The following SEPTIN10 variants were observed in gnomAD, a reference collection of about 807,000 sequenced individuals.
The protein encoded by SEPTIN10 is septin 10.
SEPTIN10 carries 66 observed loss-of-function variants against 54.8 expected under a neutral mutation model. The observed-to-expected ratio is 1.21, with a 90% CI of 0.99 to 1.48. SEPTIN10 has a LOEUF of 1.48. SEPTIN10 is among the 40% of genes most tolerant of loss of function. The probability of loss-of-function intolerance (pLI) is 0.00; values close to 1 mark genes in which losing one functional copy is unlikely to be tolerated. For missense variants in SEPTIN10, 620 were observed against 545.6 expected, an observed-to-expected ratio of 1.14 and a Z score of -1.36; for synonymous variants, 161 against 181.0, an observed-to-expected ratio of 0.89 and a Z score of 0.89.
Position 109,574,754 on chromosome 2 carries a change from C to T in SEPTIN10, c.427G>A (p.Val143Ile). The T allele has an allele frequency of 1.9e-6, 3 of 1,579,232 alleles. No individual in the cohort carries two copies. The highest frequency in any genetic ancestry group is 2.6e-6 in the Non-Finnish European group (3 of 1,166,058). Residue 143 changes from valine (V) to isoleucine (I), a missense_variant, in exon 5 of 11, where the codon GTT becomes ATT. By Grantham distance (29) the Val-to-Ile change is conservative. Coordinates refer to ENST00000397712, the MANE Select transcript of SEPTIN10 (RefSeq NM_144710.5). ...TCAAACTGAGCATCTATGTAGTCAA[C>T]TATTGGTTGGTAGCTGAAAAATTAT... ...INKEESYQPI[V>I]DYIDAQFEAY...
chr2:109,597,315 CAG>C (rs1313195529), intron 1 of SEPTIN10, among the ~76,000 whole-genome samples: 2 of 152,186 alleles, frequency 1.3e-5, no homozygotes, highest in African/African-American at 2.4e-5. Flanking sequence ...TAATGGCAAA[CAG>C]AGCTCTGTGT....
Position 109,544,257 on chromosome 2 carries a change from T to G in SEPTIN10, c.*52A>C, listed in dbSNP as rs1346555723. On this transcript the variant is annotated 3_prime_UTR_variant, in exon 11 of 11. Transcript: ENST00000397712. ...AATCAAAGCACACTTCTAGTTTTTT[T>G]TTAATAAAGTTTGCTTGTGATGATG... 2 of 1,613,146 alleles carry G rather than the reference T, an allele frequency of 1.2e-6. No individual in the cohort carries two copies. The highest frequency in any genetic ancestry group is 1.1e-5 in the South Asian group (1 of 90,978).
At chr2:109,562,268 T>C (rs1358760729) in intron 8 of SEPTIN10, among the ~76,000 whole-genome samples, 1 of 151,812 alleles carries the variant, frequency 6.6e-6, no homozygotes, top group Non-Finnish European at 1.5e-5. Context: ...GTCTTAAGCA[T>C]GCTTCTCACC....
At chr2:109,591,848 G>A (rs1694143779) in intron 2 of SEPTIN10, among the ~76,000 whole-genome samples, 1 of 152,010 alleles carries the variant, frequency 6.6e-6, no homozygotes, top group Admixed American at 6.6e-5. Flanking sequence ...AGTGAGCCGA[G>A]ATTGCACCAC....
chr2:109,570,781 G>C (rs113794292), intron 5 of SEPTIN10, among the ~76,000 whole-genome samples: 2,842 of 152,212 alleles, frequency 0.019, 101 homozygotes, highest in African/African-American at 0.063. Context: ...CTTGGCCTCT[G>C]AAAGTGCTGG....
chr2:109,597,321 T>C (rs1163810619), intron 1 of SEPTIN10, among the ~76,000 whole-genome samples: 2 of 152,174 alleles, frequency 1.3e-5, no homozygotes, highest in Non-Finnish European at 2.9e-5. Flanking sequence ...CAAACAGAGC[T>C]CTGTGTAGGG....
At chr2:109,612,770 T>G (rs964514545) in intron 1 of SEPTIN10, among the ~76,000 whole-genome samples, 50 of 152,172 alleles carry the variant, frequency 3.3e-4, no homozygotes, top group African/African-American at 1.1e-3. Context: ...GACAGAAAAT[T>G]TGAGATTTTT....
chr2:109,561,007 T>C (rs1282129786), intron 8 of SEPTIN10, among the ~76,000 whole-genome samples: 2 of 152,188 alleles, frequency 1.3e-5, no homozygotes, highest in Non-Finnish European at 2.9e-5. Context: ...CTCCTTCACA[T>C]TAGAGCAAAT....
chr2:109,544,240 C>T lies in SEPTIN10; in HGVS notation c.*69G>A, dbSNP rs1476457703. The T allele has an allele frequency of 4.3e-6, 7 of 1,612,074 alleles. No individual in the cohort carries two copies. In the Admixed American group the frequency reaches 1.2e-4, roughly 27 times the overall value. On this transcript the variant is annotated 3_prime_UTR_variant, in exon 11 of 11. Coordinates refer to ENST00000397712, the MANE Select transcript of SEPTIN10 (RefSeq NM_144710.5). ...AAAACAAATAACAGCAAAATCAAAG[C>T]ACACTTCTAGTTTTTTTTTAATAAA...
chr2:109,562,260 C>T (rs1007049564), intron 8 of SEPTIN10, among the ~76,000 whole-genome samples: 1 of 151,696 alleles, frequency 6.6e-6, no homozygotes, highest in African/African-American at 2.4e-5. Context: ...AAATACATGT[C>T]TTAAGCATGC....
intron 2 of SEPTIN10, among the ~76,000 whole-genome samples, chr2:109,592,427 C>G (rs28361394): frequency 6.7e-6 from 1 of 148,992 alleles, no homozygotes; most frequent in Non-Finnish European, 1.5e-5. Context: ...ATTGCACCAT[C>G]GCATTCCAGC....
chr2:109,601,954 C>G (rs1262346033), intron 1 of SEPTIN10, among the ~76,000 whole-genome samples: 1 of 152,090 alleles, frequency 6.6e-6, no homozygotes, highest in Non-Finnish European at 1.5e-5. Flanking sequence ...TATGGAAATG[C>G]GCTTCCCGAG....
At chr2:109,607,825 G>A (rs905041487) in intron 1 of SEPTIN10, among the ~76,000 whole-genome samples, 71 of 152,252 alleles carry the variant, frequency 4.7e-4, no homozygotes, top group Admixed American at 7.2e-4. Context: ...TTGATTCCCA[G>A]GATCTCCCTA....
chr2:109,574,594 T>C lies in SEPTIN10; in HGVS notation c.587A>G (p.Asn196Ser), dbSNP rs1689192980. ...TCCTCAACCCACCTTGCTGTCAAGG[T>C]TCTTCATGGTTAAGAGATCAAGTGT... ...LKTLDLLTMK[N>S]LDSKVNIIPV... is the part of the protein sequence containing the mutation. The change falls in exon 5 of 11, where the codon AAC becomes AGC. Residue 196 changes from asparagine to serine, a missense_variant. Coordinates refer to ENST00000397712, the MANE Select transcript of SEPTIN10 (RefSeq NM_144710.5). 1.9e-6 allele frequency: 3 copies of C among 1,556,810 alleles called. No homozygotes were observed. The highest frequency in any genetic ancestry group is 4.6e-5 in the East Asian group (2 of 43,272).
chr2:109,582,578 C>G (rs1375261629), intron 4 of SEPTIN10, among the ~76,000 whole-genome samples: 1 of 152,182 alleles, frequency 6.6e-6, no homozygotes. Flanking sequence ...TCCTTGACCT[C>G]CCAGAGTGCT....
chr2:109,593,024 TG>T, intron 2 of SEPTIN10, 26 bp downstream of exon 2: 2 of 1,475,208 alleles, frequency 1.4e-6, no homozygotes, highest in Non-Finnish European at 1.8e-6. Flanking sequence ...GAGTACAATA[TG>T]GTATCTATTT....
rs368644892 is a variant in SEPTIN10, at chr2:109,613,800, G to A, written c.28C>T (p.Leu10=). 2,536 of 1,232,476 alleles carry A rather than the reference G, an allele frequency of 2.1e-3. 7 individuals are homozygous for A. Among genetic ancestry groups the A allele is most frequent in the South Asian group, 0.01 (259 of 25,402 alleles). 76.3% of individuals were successfully genotyped at this position (1,232,476 alleles called of 1,614,324 possible). ...GCCCCGGCGTCGGCGGGACTCACCA[G>A]GTGCCGCGCCACCTCGGAGGAGGCC... is the stretch of plus-strand genomic sequence containing the variant. The part of the protein sequence containing the change: MASSEVARH[L]LFQSHMATKT... Residue 10 remains leucine (L), a splice_region_variant and synonymous_variant, in exon 1 of 11, where the codon CTG becomes TTG. Transcript: ENST00000397712.
intron 2 of SEPTIN10, among the ~76,000 whole-genome samples, chr2:109,587,314 C>T (rs897667734): frequency 3.9e-5 from 6 of 151,926 alleles, no homozygotes; most frequent in Admixed American, 3.3e-4. Flanking sequence ...AGTTATTATC[C>T]AAGCTAAAAA....
In SEPTIN10 at chr2:109,600,931, TAA is replaced by T. The variant is rs568329172; in HGVS notation, c.31-7814_31-7813del. 3.9e-5 allele frequency among the ~76,000 whole-genome samples: 6 copies of T among 152,344 alleles called. No homozygotes were observed. In the East Asian group the frequency reaches 9.6e-4, roughly 24 times the overall value. ...TAAAAGATACAAATAAACAGCCAGA[TAA>T]AGAGATACAAAGCTCAACATGTGGA... On this transcript the variant is annotated intron_variant, in intron 1 of 10. Transcript: ENST00000397712.
Sources: allele counts gnomAD v4.1 joint callset (sites outside exome capture counted in the v4.1 genomes callset), GRCh38; gene constraint gnomAD v4.1.1; transcripts MANE v1.5; gene names NCBI Gene and HGNC (gene_info 2026-07-23, HGNC 2026-07-21).